Variants in FRMD4A observed in about 807,000 individuals in gnomAD.
FRMD4A encodes FERM domain-containing protein 4A.
Under a neutral mutation model 129.1 loss-of-function variants are expected in FRMD4A, and 29 were observed. The observed-to-expected ratio is 0.22, with a 90% CI of 0.17 to 0.31. The LOEUF (loss-of-function observed/expected upper bound fraction) is 0.31, where lower values mean the gene tolerates loss of function less well. Ranked by LOEUF, FRMD4A falls within the 10% of genes least tolerant of loss-of-function variation. The probability of loss-of-function intolerance (pLI) is 1.00; values close to 1 mark genes in which losing one functional copy is unlikely to be tolerated. For synonymous variants in FRMD4A, 634 were observed against 571.6 expected (o/e 1.11, Z -1.56); for missense variants, 1,272 against 1,375.8 (o/e 0.92, Z 1.19).
chr10:14,061,765 C>T (rs537720524), intron 2 of FRMD4A, among the ~76,000 whole-genome samples: 1 of 152,182 alleles, frequency 6.6e-6, no homozygotes, highest in Non-Finnish European at 1.5e-5. Flanking sequence ...GGCATTGTCA[C>T]GTGGTACCTG....
intron 2 of FRMD4A, among the ~76,000 whole-genome samples, chr10:14,208,566 TGAAG>T (rs1842850099): frequency 6.6e-6 from 1 of 152,086 alleles, no homozygotes; most frequent in African/African-American, 2.4e-5. Context: ...CTACCTGGGC[TGAAG>T]GAAGGCCACT....
At chr10:13,873,114 T>A (rs1427453746) in intron 2 of FRMD4A, among the ~76,000 whole-genome samples, 1 of 150,934 alleles carries the variant, frequency 6.6e-6, no homozygotes, top group Non-Finnish European at 1.5e-5. Context: ...AGGTGGAAGT[T>A]GCAGTGAGCC....
intron 2 of FRMD4A, among the ~76,000 whole-genome samples, chr10:14,073,696 A>T (rs1483031245): frequency 1.3e-5 from 2 of 152,128 alleles, no homozygotes; most frequent in Non-Finnish European, 2.9e-5. Flanking sequence ...TGTCGTGTTC[A>T]TGGGTTTTTC....
chr10:14,096,696 G>A (rs1000906474), intron 2 of FRMD4A, among the ~76,000 whole-genome samples: 1 of 152,204 alleles, frequency 6.6e-6, no homozygotes, highest in Non-Finnish European at 1.5e-5. Flanking sequence ...GGGCAGATCT[G>A]AACTCTGCTC....
rs530943417 is a variant in FRMD4A, at chr10:14,067,084, G to A, written c.46-208172C>T. ...TGTAATCCCAGCACTTTGGGAGGCC[G>A]AGGTGGGTGGATCATGAGGTCAGGA... On this transcript the variant is annotated intron_variant, in intron 2 of 24. Coordinates refer to ENST00000357447, the MANE Select transcript of FRMD4A (RefSeq NM_018027.5). Among the ~76,000 whole-genome samples, 8 of 152,190 alleles carry A rather than the reference G, an allele frequency of 5.3e-5. No homozygotes were observed. The East Asian group carries it at 1.5e-3, about 29-fold the overall frequency.
rs940193515 is a variant in FRMD4A, at chr10:13,674,933, T to C, written c.1229A>G (p.Lys410Arg). The stretch of plus-strand genomic sequence containing the variant: ...TACAGCTTCTCGGAGACACAGCTTC[T>C]TCAGTTCCTCCAGCCTCTGACGCAG... ...ETLRQRLEELKKLCLREAELT... is the reference protein window; with the variant it reads ...ETLRQRLEELRKLCLREAELT... The change falls in exon 16 of 25, where the codon AAG becomes AGG. Residue 410 changes from lysine (K) to arginine (R), a missense_variant. By Grantham distance (26) the Lys-to-Arg change is conservative (BLOSUM62 2). Around this residue, in one of 2 missense-constraint regions of FRMD4A, gnomAD observed 972 missense variants for 892.3 expected, o/e 1.09. Transcript: ENST00000357447. The C allele has an allele frequency of 6.2e-7, 1 of 1,614,172 alleles. No individual in the cohort carries two copies. The highest frequency in any genetic ancestry group is 8.5e-7 in the Non-Finnish European group (1 of 1,180,002).
intron 2 of FRMD4A, among the ~76,000 whole-genome samples, chr10:14,257,963 C>A (rs1589235654): frequency 6.6e-6 from 1 of 152,248 alleles, no homozygotes; most frequent in Non-Finnish European, 1.5e-5. Context: ...GAAAGGAAAT[C>A]TTTTTTATAT....
At chr10:13,814,731 A>G (rs1356967913) in intron 3 of FRMD4A, among the ~76,000 whole-genome samples, 1 of 152,132 alleles carries the variant, frequency 6.6e-6, no homozygotes, top group Non-Finnish European at 1.5e-5. Flanking sequence ...ACATCTCAAC[A>G]GATTTGATCA....
intron 2 of FRMD4A, among the ~76,000 whole-genome samples, chr10:14,227,243 C>CTTTT (rs10674411): frequency 0.15 from 9,469 of 64,090 alleles, 3,090 homozygotes; most frequent in Non-Finnish European, 0.18. Flanking sequence ...TCTTCTTCTT[C>CTTTT]TTTTTTTTTT....
intron 2 of FRMD4A, among the ~76,000 whole-genome samples, chr10:14,012,401 G>T (rs935664054): frequency 1.1e-4 from 16 of 152,168 alleles, no homozygotes; most frequent in Admixed American, 9.2e-4. Context: ...AATCCATTGA[G>T]CCAGGTTTCA....
chr10:13,900,099 C>T (rs1362881705), intron 2 of FRMD4A, among the ~76,000 whole-genome samples: 2 of 152,156 alleles, frequency 1.3e-5, no homozygotes, highest in Non-Finnish European at 2.9e-5. Context: ...TATACCCAAT[C>T]CTTTTTGCTT....
chr10:13,714,962 C>A (rs913620493), intron 12 of FRMD4A, among the ~76,000 whole-genome samples: 1 of 152,058 alleles, frequency 6.6e-6, no homozygotes, highest in Admixed American at 6.6e-5. Flanking sequence ...TCACTTGAAC[C>A]CAGGAGGCAG....
In FRMD4A at chr10:14,090,150, G is replaced by A. The variant is rs969967588; in HGVS notation, c.46-231238C>T. Among the ~76,000 whole-genome samples, 4 of 152,302 alleles carry A rather than the reference G, an allele frequency of 2.6e-5. No homozygotes were observed. In the East Asian group the frequency reaches 5.8e-4, roughly 22 times the overall value. On this transcript the variant is annotated intron_variant, in intron 2 of 24. Transcript: ENST00000357447. ...AGGGAAAAGCCTTCTGAGGAGGAAC[G>A]GAACAAGAGTCTTCGGGGTGGCACT...
intron 2 of FRMD4A, among the ~76,000 whole-genome samples, chr10:14,308,781 C>T (rs1846437747): frequency 6.6e-6 from 1 of 152,190 alleles, no homozygotes; most frequent in African/African-American, 2.4e-5. Flanking sequence ...AAACCAGTCC[C>T]CCATAATCAC....
intron 8 of FRMD4A, among the ~76,000 whole-genome samples, chr10:13,761,399 C>A (rs906975253): frequency 6.6e-6 from 1 of 152,234 alleles, no homozygotes; most frequent in Admixed American, 6.5e-5. Flanking sequence ...ATGTGTGACG[C>A]TGGGCCTAAT....
rs554341569 is a variant in FRMD4A, at chr10:13,843,047, C to T, written c.111+15800G>A. 3.3e-4 allele frequency among the ~76,000 whole-genome samples: 51 copies of T among 152,294 alleles called. 1 individual carries two copies. Among genetic ancestry groups the T allele is most frequent in the African/African-American group, 1.2e-3 (49 of 41,574 alleles). ...AAAAAGTCTGGGAACTGCTGCATCA[C>T]GCTGCCTCTACCTGTGAGCCTCTGA... On this transcript the variant is annotated intron_variant, in intron 3 of 24. Coordinates refer to ENST00000357447, the MANE Select transcript of FRMD4A (RefSeq NM_018027.5).
At chr10:13,673,981 T>C (rs10796112) in intron 16 of FRMD4A, among the ~76,000 whole-genome samples, 101,257 of 151,744 alleles carry the variant, frequency 0.67, 36,753 homozygotes, top group Non-Finnish European at 0.81. Context: ...TTGCTCAGGC[T>C]AGTCTCCAAC....
At chr10:13,839,707 G>T (rs959114933) in intron 3 of FRMD4A, among the ~76,000 whole-genome samples, 1 of 152,190 alleles carries the variant, frequency 6.6e-6, no homozygotes, top group Non-Finnish European at 1.5e-5. Context: ...CGGCATACAG[G>T]CTCCTGGTTC....
At chr10:13,962,840 T>A (rs1459052256) in intron 2 of FRMD4A, among the ~76,000 whole-genome samples, 2 of 152,186 alleles carry the variant, frequency 1.3e-5, no homozygotes, top group Non-Finnish European at 2.9e-5. Flanking sequence ...TGGCAGCTAA[T>A]TGTAAACCTC....
Sources: gnomAD v4.1 joint callset for allele counts (sites outside exome capture counted in the v4.1 genomes callset) on GRCh38, gnomAD v4.1.1 for gene constraint, gnomAD v4.1.1 regional missense constraint, MANE v1.5 for transcripts, NCBI Gene and HGNC (gene_info 2026-07-23, HGNC 2026-07-21) for gene names.